The following MYO10 variants were observed in gnomAD, a reference collection of about 807,000 sequenced individuals.
MYO10 encodes the protein myosin X, also known as unconventional myosin-X.
In MYO10, 133 loss-of-function variants were observed where a neutral mutation model predicts 257.3. That is an observed-to-expected ratio of 0.52 (90% CI 0.45 to 0.60). The LOEUF is 0.60. Ranked by LOEUF, MYO10 falls within the 20% of genes least tolerant of loss-of-function variation. The pLI, the probability that MYO10 is intolerant of heterozygous loss-of-function variation, is 0.00. For synonymous variants in MYO10, 1,104 were observed against 1,028.6 expected (o/e 1.07, Z -1.40); for missense variants, 2,399 against 2,635.7 (o/e 0.91, Z 1.97).
intron 1 of MYO10, among the ~76,000 whole-genome samples, chr5:16,912,354 GGT>G (rs1273679596): frequency 6.6e-6 from 1 of 152,188 alleles, no homozygotes; most frequent in Non-Finnish European, 1.5e-5. Flanking sequence ...AATTCTTCCA[GGT>G]CAGTGAGCTC....
At chr5:16,872,194 TGAGCTAG>T (rs1306723093) in intron 2 of MYO10, among the ~76,000 whole-genome samples, 1 of 152,162 alleles carries the variant, frequency 6.6e-6, no homozygotes, top group Admixed American at 6.5e-5. Context: ...GTAGAGCTGT[TGAGCTAG>T]GAGCCTTTGT....
rs1412754515 is a variant in MYO10 at position 16,792,126 on chromosome 5, C to CAG, written c.467+2519_467+2520insCT. ...ACACATACATACACACACACACACACACACACAGAGAGAGAGAGAGAGAGA... is the reference window on the plus strand; with the variant it reads ...ACACATACATACACACACACACACACAGACACACAGAGAGAGAGAGAGAGAGA... On this transcript the variant is annotated intron_variant, in intron 4 of 40. Transcript: ENST00000513610. Among the ~76,000 whole-genome samples the CAG allele has an allele frequency of 1.8e-3, 222 of 122,584 alleles. 2 individuals are homozygous for CAG. The highest frequency in any genetic ancestry group is 5.6e-3 in the African/African-American group (195 of 34,884). 80.4% of individuals were successfully genotyped at this position (122,584 alleles called of 152,430 possible).
chr5:16,775,226 T>C (rs1236955030), intron 9 of MYO10, among the ~76,000 whole-genome samples: 1 of 152,196 alleles, frequency 6.6e-6, no homozygotes, highest in African/African-American at 2.4e-5. Context: ...AAATTTAGCA[T>C]AGGTTCATTG....
At chr5:16,881,418 T>A (rs550419678) in intron 1 of MYO10, among the ~76,000 whole-genome samples, 1 of 152,180 alleles carries the variant, frequency 6.6e-6, no homozygotes, top group African/African-American at 2.4e-5. Flanking sequence ...TGCTTTATGA[T>A]CAAATACACA....
In MYO10 at chr5:16,726,879, T is replaced by C. The variant is rs1291699522; in HGVS notation, c.1930-15634A>G. Among the ~76,000 whole-genome samples the C allele has an allele frequency of 2.6e-5, 4 of 152,328 alleles. No individual in the cohort carries two copies. The East Asian group carries it at 7.7e-4, about 29-fold the overall frequency. The stretch of plus-strand genomic sequence containing the variant: ...GCCACCTGTTCTTGTAAATAAAGTT[T>C]TATTGGAACACAGCCACACATTGTC... On this transcript the variant is annotated intron_variant, in intron 19 of 40. Coordinates refer to ENST00000513610, the MANE Select transcript of MYO10 (RefSeq NM_012334.3).
chr5:16,901,142 G>A (rs1036079946), intron 1 of MYO10, among the ~76,000 whole-genome samples: 1 of 151,952 alleles, frequency 6.6e-6, no homozygotes, highest in African/African-American at 2.4e-5. Flanking sequence ...CCCCTCTCCC[G>A]AGACTCTTCT....
chr5:16,716,718 C>T (rs577058668), intron 19 of MYO10, among the ~76,000 whole-genome samples: 1 of 152,094 alleles, frequency 6.6e-6, no homozygotes, highest in Admixed American at 6.5e-5. Context: ...AGGAATCCAG[C>T]TTGTCACACA....
At chr5:16,920,559 G>A (rs887168596) in intron 1 of MYO10, among the ~76,000 whole-genome samples, 1 of 152,200 alleles carries the variant, frequency 6.6e-6, no homozygotes, top group Non-Finnish European at 1.5e-5. Flanking sequence ...GACTGTCATG[G>A]AACAGTTCTA....
At chr5:16,877,442 C>T (rs1476038984) in intron 2 of MYO10, among the ~76,000 whole-genome samples, 167 bp downstream of exon 2, 3 of 152,204 alleles carry the variant, frequency 2.0e-5, no homozygotes, top group African/African-American at 7.2e-5. Context: ...GTATCTATTA[C>T]ACACACATGG....
intron 19 of MYO10, 36 bp from the exon 20 acceptor site, chr5:16,711,281 A>C (rs1738598170): frequency 6.3e-7 from 1 of 1,584,546 alleles, no homozygotes; most frequent in Admixed American, 1.8e-5. Flanking sequence ...GGATACCATT[A>C]GAAAAAATGG....
intron 19 of MYO10, among the ~76,000 whole-genome samples, chr5:16,740,340 A>C (rs1739972172): frequency 6.6e-6 from 1 of 151,956 alleles, no homozygotes; most frequent in Non-Finnish European, 1.5e-5. Context: ...AGGGCGGCTA[A>C]TGCTTAGAGG....
intron 4 of MYO10, among the ~76,000 whole-genome samples, chr5:16,787,804 T>G (rs1741632646): frequency 6.6e-6 from 1 of 151,894 alleles, no homozygotes; most frequent in Admixed American, 6.6e-5. Flanking sequence ...AGGATCGTTC[T>G]TTTGTGTGTG....
intron 2 of MYO10, among the ~76,000 whole-genome samples, chr5:16,876,689 G>A (rs903631737): frequency 1.1e-4 from 17 of 152,100 alleles, no homozygotes; most frequent in African/African-American, 3.9e-4. Flanking sequence ...CAATTAGCTG[G>A]GATTACAGGT....
At position 16,764,165 on chromosome 5, in the gene MYO10, A is replaced by G. The variant is rs769372574; in HGVS notation, c.1326+85T>C. On this transcript the variant is annotated intron_variant, in intron 12 of 40. Transcript: ENST00000513610. ...CCTTCTCAAAAAAAAAAAGAAAAAA[A>G]AAGAGTTTGCTCACAGAGATTTGTT... 8.9e-5 allele frequency: 132 copies of G among 1,478,462 alleles called. 1 individual carries two copies. The highest frequency in any genetic ancestry group is 1.1e-4 in the Non-Finnish European group (120 of 1,089,966). 91.6% of individuals were successfully genotyped at this position (1,478,462 alleles called of 1,614,324 possible). A position where few individuals can be genotyped will look rare whatever the true frequency, so the allele number is the denominator to read the frequency against.
At position 16,683,000 on chromosome 5, in the gene MYO10, T is replaced by C. The variant is rs559998164; in HGVS notation, c.4046+880A>G. On this transcript the variant is annotated intron_variant, in intron 30 of 40. Coordinates refer to ENST00000513610, the MANE Select transcript of MYO10 (RefSeq NM_012334.3). ...TACCAGAATAAGAAGCACCAGGGCT[T>C]TGATTACGGATATGACACATACGTG... Among the ~76,000 whole-genome samples the C allele has an allele frequency of 2.0e-5, 3 of 152,176 alleles. No individual in the cohort carries two copies. The South Asian group carries it at 6.2e-4, about 32-fold the overall frequency.
chr5:16,762,142 A>T lies in MYO10; in HGVS notation c.1588-29T>A, dbSNP rs1206241831. ...AAAAAAAAAAAAAAAAAAAAAAAAA[A>T]AATACAATGCCTTATTTCACTCACT... On this transcript the variant is annotated intron_variant, in intron 15 of 40. Coordinates refer to ENST00000513610, the MANE Select transcript of MYO10 (RefSeq NM_012334.3). The T allele has an allele frequency of 4.2e-6, 6 of 1,434,920 alleles. No homozygotes were observed. The African/African-American group carries it at 5.8e-5, about 14-fold the overall frequency. 88.9% of individuals were successfully genotyped at this position (1,434,920 alleles called of 1,614,324 possible). A position where few individuals can be genotyped will look rare whatever the true frequency, so the allele number is the denominator to read the frequency against.
At chr5:16,909,283 C>T (rs1323953497) in intron 1 of MYO10, among the ~76,000 whole-genome samples, 1 of 151,944 alleles carries the variant, frequency 6.6e-6, no homozygotes, top group African/African-American at 2.4e-5. Flanking sequence ...CCGAGGTGGG[C>T]GGATCACGAG....
chr5:16,681,604 C>CTGTT (rs1737005175), intron 31 of MYO10, 101 bp from the exon 32 acceptor site: 4 of 1,287,094 alleles, frequency 3.1e-6, no homozygotes, highest in Non-Finnish European at 2.1e-6. Context: ...GGGTTTCTAG[C>CTGTT]TGTTTGCCAG....
At position 16,685,764 on chromosome 5, in the gene MYO10, C is replaced by T; in HGVS notation, c.3964G>A (p.Glu1322Lys). 1 of 1,599,156 alleles carries T rather than the reference C, an allele frequency of 6.3e-7. No homozygotes were observed. The highest frequency in any genetic ancestry group is 1.1e-5 in the South Asian group (1 of 88,828). The stretch of plus-strand genomic sequence containing the variant: ...ACAGCATTCTGTGGGTTTGCCTGCT[C>T]ATCATGCATCTCCTGGATCTCCTGG... ...TDQEIQEMHDEQANPQNAVGT... is the reference protein window; with the variant it reads ...TDQEIQEMHDKQANPQNAVGT... Residue 1322 changes from glutamate to lysine, a missense_variant, in exon 29 of 41, where the codon GAG (glutamate) becomes AAG (lysine). Physicochemically the swap from Glu to Lys is moderately conservative, Grantham distance 56. This residue lies in a region of MYO10 where 1,820 missense variants were observed against 1,939.4 expected (regional missense o/e 0.94). Transcript: ENST00000513610.
Sources: gnomAD v4.1 joint callset for allele counts (sites outside exome capture counted in the v4.1 genomes callset) on GRCh38, gnomAD v4.1.1 for gene constraint, gnomAD v4.1.1 regional missense constraint, MANE v1.5 for transcripts, NCBI Gene and HGNC (gene_info 2026-07-23, HGNC 2026-07-21) for gene names.